The following RARB variants were observed in gnomAD, a reference collection of about 807,000 sequenced individuals.
RARB encodes the protein retinoic acid receptor beta.
RARB carries 17 observed loss-of-function variants against 51.9 expected under a neutral mutation model. That is an observed-to-expected ratio of 0.33 (90% CI 0.22 to 0.49). The LOEUF (loss-of-function observed/expected upper bound fraction) is 0.49, where lower values mean the gene tolerates loss of function less well. Among genes scored for constraint, RARB ranks in the 20% least tolerant of loss-of-function variants. RARB has a pLI of 0.99. For synonymous variants in RARB, 215 were observed against 195.4 expected (o/e 1.10, Z -0.84); for missense variants, 369 against 550.8 (o/e 0.67, Z 3.30).
intron 5 of RARB, among the ~76,000 whole-genome samples, chr3:25,421,403 C>CTTTTTTTTTTTCTTTTTTT (rs1707857834): frequency 1.4e-5 from 1 of 72,374 alleles, no homozygotes; most frequent in East Asian, 4.5e-4. Context: ...TTCTTCTTTT[C>CTTTTTTTTTTTCTTTTTTT]TTTTTTTTTT....
intron 5 of RARB, among the ~76,000 whole-genome samples, chr3:25,331,659 A>G (rs916064538): frequency 2.6e-5 from 4 of 152,232 alleles, no homozygotes; most frequent in African/African-American, 9.6e-5. Context: ...GCAGAAGGTA[A>G]GAAATAACTA....
chr3:25,542,222 A>G (rs1699412800), intron 3 of RARB, among the ~76,000 whole-genome samples: 1 of 152,120 alleles, frequency 6.6e-6, no homozygotes, highest in Non-Finnish European at 1.5e-5. Context: ...TGGGTGTTGA[A>G]AGAAGGAGAG....
chr3:24,981,441 C>T (rs2125426108), intron 2 of RARB, among the ~76,000 whole-genome samples: 1 of 152,254 alleles, frequency 6.6e-6, no homozygotes, highest in East Asian at 1.9e-4. Flanking sequence ...TTGGAGCTTC[C>T]CTGCCTCTTT....
chr3:25,508,894 T>TA (rs11369682), intron 3 of RARB, among the ~76,000 whole-genome samples: 40,740 of 146,744 alleles, frequency 0.28, 6,588 homozygotes, highest in African/African-American at 0.46. Context: ...TTAGGAGATT[T>TA]AAAAAAAAAA....
rs115908546 is a variant in RARB, at chr3:25,412,192, G to T, written c.179-49001G>T. 4.4e-3 allele frequency among the ~76,000 whole-genome samples: 676 copies of T among 152,198 alleles called. 7 individuals carry two copies. The highest frequency in any genetic ancestry group is 0.016 in the African/African-American group (653 of 41,532). ...AGCAGACAATGAACTAGAGGACAAT[G>T]GATGTTTTATTTTTCTTTTGTCTTC... On this transcript the variant is annotated intron_variant, in intron 5 of 11. Coordinates refer to the RARB transcript ENST00000383772.
chr3:25,023,153 G>T (rs188948083), intron 2 of RARB, among the ~76,000 whole-genome samples: 6 of 152,202 alleles, frequency 3.9e-5, no homozygotes, highest in African/African-American at 1.2e-4. Context: ...TGGCCTGCCT[G>T]GGTCTCAAGT....
chr3:25,300,185 C>A (rs1704007255), intron 5 of RARB, among the ~76,000 whole-genome samples: 1 of 152,172 alleles, frequency 6.6e-6, no homozygotes, highest in Non-Finnish European at 1.5e-5. Context: ...TAAACACTGT[C>A]TTATATGACA....
At chr3:24,874,942 A>G (rs971954684) in intron 2 of RARB, among the ~76,000 whole-genome samples, 1 of 152,080 alleles carries the variant, frequency 6.6e-6, no homozygotes, top group Admixed American at 6.6e-5. Context: ...GTTACATTAG[A>G]AATAGACAAT....
At chr3:25,139,066 T>C (rs779850069) in intron 4 of RARB, among the ~76,000 whole-genome samples, 1 of 152,136 alleles carries the variant, frequency 6.6e-6, no homozygotes, top group Middle Eastern at 3.2e-3. Flanking sequence ...GGGAACTTAA[T>C]TGATAAATAG....
chr3:25,416,179 C>T (rs988034596), intron 5 of RARB, among the ~76,000 whole-genome samples: 1 of 152,186 alleles, frequency 6.6e-6, no homozygotes, highest in African/African-American at 2.4e-5. Flanking sequence ...CCCAGTAATT[C>T]AAGACCAGCC....
chr3:24,951,301 C>A (rs550861886), intron 2 of RARB, among the ~76,000 whole-genome samples: 21 of 152,194 alleles, frequency 1.4e-4, no homozygotes, highest in African/African-American at 5.1e-4. Flanking sequence ...GGAGGAAAAT[C>A]ACAGTACTCT....
chr3:25,526,390 G>C (rs1195498312), intron 3 of RARB, among the ~76,000 whole-genome samples: 1 of 152,152 alleles, frequency 6.6e-6, no homozygotes, highest in Non-Finnish European at 1.5e-5. Flanking sequence ...TGAGTGACAT[G>C]ATCACATTTG....
intron 2 of RARB, among the ~76,000 whole-genome samples, chr3:25,059,592 AAAT>A (rs1448527889): frequency 3.3e-5 from 5 of 151,876 alleles, no homozygotes; most frequent in African/African-American, 1.2e-4. Flanking sequence ...GCTGCTTTAA[AAAT>A]AAAACTAGAA....
At chr3:25,557,738 G>C (rs1369230879) in intron 3 of RARB, among the ~76,000 whole-genome samples, 4 of 152,158 alleles carry the variant, frequency 2.6e-5, no homozygotes, top group African/African-American at 9.6e-5. Context: ...TCTTCACCAT[G>C]AACAGTGACT....
chr3:24,856,902 A>AG (rs1203001774), intron 1 of RARB, among the ~76,000 whole-genome samples: 2 of 152,154 alleles, frequency 1.3e-5, no homozygotes, highest in Non-Finnish European at 2.9e-5. Context: ...TGATGGGGGC[A>AG]GGGGGATGGA....
At chr3:25,283,832 C>T (rs1328108554) in intron 5 of RARB, among the ~76,000 whole-genome samples, 1 of 152,134 alleles carries the variant, frequency 6.6e-6, no homozygotes, top group Non-Finnish European at 1.5e-5. Context: ...TACTTTTGGG[C>T]ATTTGGATGA....
chr3:25,333,262 C>A (rs1472412650), intron 5 of RARB, among the ~76,000 whole-genome samples: 1 of 152,154 alleles, frequency 6.6e-6, no homozygotes, highest in Non-Finnish European at 1.5e-5. Flanking sequence ...CATCACGCTA[C>A]CTGACTTCAA....
chr3:24,998,801 TA>T (rs1458954673), intron 2 of RARB, among the ~76,000 whole-genome samples: 2 of 114,600 alleles, frequency 1.7e-5, no homozygotes, highest in Non-Finnish European at 3.5e-5. Context: ...CAAATTCCTG[TA>T]GATATTGTAA....
intron 1 of RARB, among the ~76,000 whole-genome samples, chr3:25,448,746 C>T (rs970413758): frequency 6.6e-6 from 1 of 152,150 alleles, no homozygotes; most frequent in African/African-American, 2.4e-5. Flanking sequence ...AGATTATAGG[C>T]GTGAGCCACC....
Sources: gnomAD v4.1 joint callset for allele counts (sites outside exome capture counted in the v4.1 genomes callset) on GRCh38, gnomAD v4.1.1 for gene constraint, MANE v1.5 for transcripts, NCBI Gene and HGNC (gene_info 2026-07-23, HGNC 2026-07-21) for gene names.